Variants in KLHL2 observed in about 807,000 individuals in gnomAD.
KLHL2 encodes the protein kelch like family member 2.
In KLHL2, 15 loss-of-function variants were observed where a neutral mutation model predicts 75.8. The observed-to-expected ratio is 0.20, with a 90% CI of 0.13 to 0.30. The LOEUF (loss-of-function observed/expected upper bound fraction) is 0.30, where lower values mean the gene tolerates loss of function less well. Among genes scored for constraint, KLHL2 ranks in the 10% least tolerant of loss-of-function variants. The probability of loss-of-function intolerance (pLI) is 1.00; values close to 1 mark genes in which losing one functional copy is unlikely to be tolerated. For missense variants in KLHL2, 381 were observed against 741.0 expected, an observed-to-expected ratio of 0.51 and a Z score of 5.64; for synonymous variants, 214 against 251.9, an observed-to-expected ratio of 0.85 and a Z score of 1.42.
intron 4 of KLHL2, among the ~76,000 whole-genome samples, chr4:165,251,602 GT>G (rs1017159215): frequency 2.7e-4 from 38 of 140,120 alleles, no homozygotes; most frequent in Middle Eastern, 3.8e-3. Context: ...ACCCAAAGTG[GT>G]TTTTTTTTTT....
chr4:165,298,723 G>A (rs943622956), intron 7 of KLHL2, among the ~76,000 whole-genome samples: 4 of 152,086 alleles, frequency 2.6e-5, no homozygotes, highest in Non-Finnish European at 5.9e-5. Context: ...CAGGCATGAG[G>A]CCAGGAGTTC....
intron 5 of KLHL2, among the ~76,000 whole-genome samples, chr4:165,263,628 G>A (rs577218906): frequency 3.1e-4 from 47 of 150,856 alleles, no homozygotes; most frequent in African/African-American, 1.1e-3. Flanking sequence ...TTTTGAGACG[G>A]AGTCTTGCCC....
At chr4:165,271,130 G>A (rs1029043544) in intron 5 of KLHL2, among the ~76,000 whole-genome samples, 6 of 149,964 alleles carry the variant, frequency 4.0e-5, no homozygotes, top group African/African-American at 1.5e-4. Context: ...TTGGCTATTT[G>A]GGCCTTTTTA....
rs1354836343 is a variant in KLHL2 at position 165,263,734 on chromosome 4, A to T, written c.544+375A>T. Reference sequence around the variant, plus strand: ...AATAGCTGTATGTATTTTTCTTTCAAATTGTTAAATGAATAGGCATATGAG... The same window carrying T: ...AATAGCTGTATGTATTTTTCTTTCATATTGTTAAATGAATAGGCATATGAG... On this transcript the variant is annotated intron_variant, in intron 5 of 14. Transcript: ENST00000226725. 2.6e-5 allele frequency among the ~76,000 whole-genome samples: 4 copies of T among 151,420 alleles called. No homozygotes were observed. In the East Asian group the frequency reaches 7.8e-4, roughly 29 times the overall value.
intron 7 of KLHL2, among the ~76,000 whole-genome samples, chr4:165,297,981 C>A (rs538782448): frequency 5.8e-4 from 51 of 88,002 alleles, no homozygotes; most frequent in Non-Finnish European, 1.6e-3. Flanking sequence ...ATGCTACAAC[C>A]CCAGCTAATT....
intron 4 of KLHL2, among the ~76,000 whole-genome samples, chr4:165,259,718 A>G (rs1741489198): frequency 6.6e-6 from 1 of 152,258 alleles, no homozygotes; most frequent in Non-Finnish European, 1.5e-5. Flanking sequence ...CATGAAAAGG[A>G]CAGTGTTGGA....
chr4:165,213,662 T>C (rs1455336137), intron 1 of KLHL2, among the ~76,000 whole-genome samples: 1 of 152,216 alleles, frequency 6.6e-6, no homozygotes, highest in Non-Finnish European at 1.5e-5. Flanking sequence ...AGATGGTAAA[T>C]GGAGGAAGAT....
chr4:165,258,751 A>G (rs1167003281), intron 4 of KLHL2, among the ~76,000 whole-genome samples: 1 of 152,234 alleles, frequency 6.6e-6, no homozygotes, highest in Non-Finnish European at 1.5e-5. Context: ...TTCAGTAGAA[A>G]GTAAGCCAAG....
chr4:165,265,186 A>G (rs1158343734), intron 5 of KLHL2, among the ~76,000 whole-genome samples: 2 of 152,082 alleles, frequency 1.3e-5, no homozygotes, highest in African/African-American at 4.8e-5. Context: ...TTTAAGAAAT[A>G]TCTGTTCATG....
At chr4:165,310,836 C>T in intron 10 of KLHL2, 86 bp downstream of exon 10, 1 of 1,011,738 alleles carries the variant, frequency 9.9e-7, no homozygotes, top group Admixed American at 2.1e-5. Flanking sequence ...AACATTAGGG[C>T]ACATGTGAGG....
intron 4 of KLHL2, among the ~76,000 whole-genome samples, chr4:165,256,460 G>A (rs1333617513): frequency 1.3e-5 from 2 of 152,138 alleles, no homozygotes; most frequent in Non-Finnish European, 2.9e-5. Context: ...TGTAGAGCCT[G>A]GTTACTGTTC....
chr4:165,321,176 G>T (rs1181513805), intron 14 of KLHL2: 1 of 449,182 alleles, frequency 2.2e-6, no homozygotes, highest in East Asian at 7.0e-5. Context: ...AATTAACAGT[G>T]TATTTCCTTA....
chr4:165,304,378 G>A (rs1470982898), intron 8 of KLHL2, among the ~76,000 whole-genome samples: 1 of 152,116 alleles, frequency 6.6e-6, no homozygotes, highest in Non-Finnish European at 1.5e-5. Context: ...GTACAGGTAG[G>A]TCATTGCCTA....
intron 5 of KLHL2, among the ~76,000 whole-genome samples, chr4:165,289,626 T>G (rs1744355495): frequency 1.3e-5 from 2 of 149,138 alleles, no homozygotes; most frequent in African/African-American, 2.5e-5. Flanking sequence ...CCTCTTAACC[T>G]TCTTTGATAC....
At chr4:165,276,615 T>G (rs1168354165) in intron 5 of KLHL2, among the ~76,000 whole-genome samples, 4 of 152,178 alleles carry the variant, frequency 2.6e-5, no homozygotes, top group Non-Finnish European at 5.9e-5. Context: ...TATGTGACAT[T>G]AAATATTTTG....
At chr4:165,309,659 A>G (rs946339262) in intron 9 of KLHL2, among the ~76,000 whole-genome samples, 1 of 152,238 alleles carries the variant, frequency 6.6e-6, no homozygotes, top group Admixed American at 6.5e-5. Flanking sequence ...TTTGAATTTC[A>G]TATAGCTTTT....
At chr4:165,208,865 C>T (rs139987548) in intron 1 of KLHL2, among the ~76,000 whole-genome samples, 5 of 152,218 alleles carry the variant, frequency 3.3e-5, no homozygotes, top group African/African-American at 1.2e-4. Context: ...TGTCGTTCTC[C>T]GGTCAAATTT....
chr4:165,282,023 C>CA (rs1297629577), intron 5 of KLHL2, among the ~76,000 whole-genome samples: 1 of 152,082 alleles, frequency 6.6e-6, no homozygotes, highest in Non-Finnish European at 1.5e-5. Context: ...GATCCATAAA[C>CA]AAAATGACCT....
chr4:165,310,380 T>C (rs1746069110), intron 9 of KLHL2, among the ~76,000 whole-genome samples, 173 bp from the exon 10 acceptor site: 1 of 152,090 alleles, frequency 6.6e-6, no homozygotes, highest in African/African-American at 2.4e-5. Flanking sequence ...AAAGACAATT[T>C]AGTGATTGGA....
Sources: allele counts gnomAD v4.1 joint callset (sites outside exome capture counted in the v4.1 genomes callset), GRCh38; gene constraint gnomAD v4.1.1; transcripts MANE v1.5; gene names NCBI Gene and HGNC (gene_info 2026-07-23, HGNC 2026-07-21).